Variants in TEX9 observed in about 807,000 individuals in gnomAD.
TEX9 encodes the protein testis-expressed protein 9.
Under a neutral mutation model 59.6 loss-of-function variants are expected in TEX9, and 74 were observed. That is an observed-to-expected ratio of 1.24 (90% CI 1.03 to 1.51). The LOEUF is 1.51. Among genes scored for constraint, TEX9 ranks in the 40% most tolerant of loss-of-function variants. The pLI, the probability that TEX9 is intolerant of heterozygous loss-of-function variation, is 0.00. For missense variants in TEX9, 522 were observed against 447.8 expected, an observed-to-expected ratio of 1.17 and a Z score of -1.49; for synonymous variants, 186 against 152.2, an observed-to-expected ratio of 1.22 and a Z score of -1.64.
chr15:56,424,892 T>G (rs2050167796), intron 10 of TEX9, among the ~76,000 whole-genome samples: 1 of 152,222 alleles, frequency 6.6e-6, no homozygotes, highest in African/African-American at 2.4e-5. Context: ...AGTATCCTTT[T>G]GTTTCAACTT....
chr15:56,417,737 T>C (rs529256142), intron 10 of TEX9, among the ~76,000 whole-genome samples: 12 of 152,050 alleles, frequency 7.9e-5, no homozygotes, highest in Non-Finnish European at 7.3e-5. Flanking sequence ...GTTCCAGATA[T>C]CTTTGTTAAT....
Position 56,384,012 on chromosome 15 carries a change from G to A in TEX9, c.244G>A (p.Glu82Lys), listed in dbSNP as rs751784931. The change falls in exon 4 of 13, where the codon GAA becomes AAA. Residue 82 changes from glutamate to lysine, a missense_variant. Physicochemically the swap from Glu to Lys is moderately conservative, Grantham distance 56 (BLOSUM62 1). Coordinates refer to ENST00000352903, the Ensembl canonical transcript of TEX9. ...AACACAAATGAAATCATGTGATGAC[G>A]AAGATGATTACAGTTTAAGGTAAGT... is the stretch of plus-strand genomic sequence containing the variant. The A allele has an allele frequency of 1.5e-5, 24 of 1,612,356 alleles. No homozygotes were observed. The East Asian group carries it at 2.7e-4, about 18-fold the overall frequency.
In TEX9 at chr15:56,256,658, AAGAG is replaced by A. The variant is rs369839889; in HGVS notation, c.-107+12385_-107+12388del. On this transcript the variant is annotated intron_variant, in intron 1 of 5. Coordinates refer to the TEX9 transcript ENST00000560827. ...TGGAATGTCTCACCAAGGTTAAAAA[AAGAG>A]AGAGTTATCAGCATTAGAAATTAGA... Among the ~76,000 whole-genome samples the A allele has an allele frequency of 3.9e-3, 590 of 152,170 alleles. 3 individuals carry two copies. The highest frequency in any genetic ancestry group is 0.014 in the African/African-American group (563 of 41,546).
At chr15:56,324,627 G>C (rs1201570529) in intron 1 of TEX9, among the ~76,000 whole-genome samples, 7 of 152,180 alleles carry the variant, frequency 4.6e-5, no homozygotes, top group Admixed American at 4.6e-4. Flanking sequence ...AACGGACAAA[G>C]TATGGAAATG....
chr15:56,339,504 G>A (rs150680676), intron 1 of TEX9, among the ~76,000 whole-genome samples: 12 of 149,668 alleles, frequency 8.0e-5, no homozygotes, highest in African/African-American at 2.2e-4. Flanking sequence ...CTTCCTGCCT[G>A]CTAGGTATTG....
intron 1 of TEX9, among the ~76,000 whole-genome samples, chr15:56,350,029 G>T (rs1335196515): frequency 6.6e-6 from 1 of 151,846 alleles, no homozygotes; most frequent in Non-Finnish European, 1.5e-5. Context: ...TCCCTCCCCT[G>T]TGCTGTCATA....
At chr15:56,456,553 C>G in the TEX9 span, 2 of 1,591,040 alleles carry the variant, frequency 1.3e-6, no homozygotes, top group East Asian at 2.3e-5. Context: ...GTTGTTTGTC[C>G]TCTAGAATCA....
At chr15:56,347,134 A>G (rs2046486916) in intron 1 of TEX9, among the ~76,000 whole-genome samples, 1 of 152,208 alleles carries the variant, frequency 6.6e-6, no homozygotes, top group African/African-American at 2.4e-5. Context: ...AAAAATCAAC[A>G]TAATAAAGAC....
intron 10 of TEX9, among the ~76,000 whole-genome samples, chr15:56,418,430 C>T (rs1300157736): frequency 6.6e-6 from 1 of 150,402 alleles, no homozygotes; most frequent in Non-Finnish European, 1.5e-5. Flanking sequence ...TTCTCCTTCA[C>T]TTAGGTAGCT....
intron 1 of TEX9, among the ~76,000 whole-genome samples, chr15:56,281,419 TTAGATTCTCAA>T (rs2044817221): frequency 6.6e-6 from 1 of 152,222 alleles, no homozygotes; most frequent in South Asian, 2.1e-4. Context: ...AGCCATGATA[TTAGATTCTCAA>T]AGGAGCCCGA....
At chr15:56,271,860 G>T (rs1200896714) in intron 1 of TEX9, among the ~76,000 whole-genome samples, 3 of 152,034 alleles carry the variant, frequency 2.0e-5, no homozygotes, top group African/African-American at 7.2e-5. Context: ...TACAATTTAG[G>T]CTGGGCACGG....
chr15:56,277,107 A>G (rs1244918760), intron 1 of TEX9, among the ~76,000 whole-genome samples: 2 of 151,806 alleles, frequency 1.3e-5, no homozygotes, highest in Non-Finnish European at 2.9e-5. Flanking sequence ...ATTTTCTCCC[A>G]TTCTGTAGGT....
In TEX9 at chr15:56,394,416, G is replaced by A. The variant is rs2048357464; in HGVS notation, c.654+169G>A. 4 of 646,350 alleles carry A rather than the reference G, an allele frequency of 6.2e-6. No individual in the cohort carries two copies. The South Asian group carries it at 9.8e-5, about 16-fold the overall frequency. 40.0% of individuals were successfully genotyped at this position (646,350 alleles called of 1,614,324 possible). On this transcript the variant is annotated intron_variant, in intron 8 of 12. Coordinates refer to ENST00000352903, the Ensembl canonical transcript of TEX9. ...TATTCTGAGATGTTGAATTTTCACA[G>A]AGCTGAAATATCTTAAATTCTTGCT...
rs1555434471 is a variant in TEX9, at chr15:56,339,401, A to AAAACAAAC, written c.-106-34037_-106-34036insCAAACAAA. Among the ~76,000 whole-genome samples the AAAACAAAC allele has an allele frequency of 8.0e-5, 10 of 124,248 alleles. 1 individual carries two copies. The highest frequency in any genetic ancestry group is 2.6e-4 in the Admixed American group (3 of 11,550). The allele number at this position is 124,248 out of a possible 152,430, so 81.5% of individuals were successfully genotyped here. A position where few individuals can be genotyped will look rare whatever the true frequency, so the allele number is the denominator to read the frequency against. ...CCTTCTCCAAAAAAAAAAAAAAAAA[A>AAAACAAAC]AAAAAAAAAAAAACAGGAGAATAAC... On this transcript the variant is annotated intron_variant, in intron 1 of 5. Coordinates refer to the TEX9 transcript ENST00000560827.
chr15:56,347,657 A>G (rs1177643268), intron 1 of TEX9, among the ~76,000 whole-genome samples: 4 of 152,142 alleles, frequency 2.6e-5, no homozygotes, highest in Non-Finnish European at 4.4e-5. Context: ...AAAGTGTAAA[A>G]CTTATAGAAA....
chr15:56,291,687 A>G (rs1164522802), intron 1 of TEX9, among the ~76,000 whole-genome samples: 1 of 152,148 alleles, frequency 6.6e-6, no homozygotes, highest in African/African-American at 2.4e-5. Context: ...TTTAACCAAC[A>G]TCTTCCCAAT....
At chr15:56,347,095 A>G (rs1038788025) in intron 1 of TEX9, among the ~76,000 whole-genome samples, 2 of 152,208 alleles carry the variant, frequency 1.3e-5, no homozygotes, top group East Asian at 1.9e-4. Context: ...ATCAGAATAA[A>G]TGGAAAGTCA....
At chr15:56,316,465 G>T (rs1243146186) in intron 1 of TEX9, among the ~76,000 whole-genome samples, 1 of 149,666 alleles carries the variant, frequency 6.7e-6, no homozygotes, top group Admixed American at 6.7e-5. Context: ...GCTGCTCGGG[G>T]GTCAGGGGTC....
intron 1 of TEX9, among the ~76,000 whole-genome samples, chr15:56,294,130 G>A (rs1333136193): frequency 1.3e-5 from 2 of 152,164 alleles, no homozygotes; most frequent in Admixed American, 6.5e-5. Flanking sequence ...GACCATCTGG[G>A]TAAAGTGCAG....
Sources: allele counts gnomAD v4.1 joint callset (sites outside exome capture counted in the v4.1 genomes callset), GRCh38; gene constraint gnomAD v4.1.1; transcripts MANE v1.5; gene names NCBI Gene and HGNC (gene_info 2026-07-23, HGNC 2026-07-21).